ZFAND3: variants seen among roughly 807,000 people sequenced by gnomAD.
ZFAND3 encodes the protein zinc finger AN1-type containing 3.
A neutral mutation model predicts 29.6 loss-of-function variants in ZFAND3; 10 were observed. The ratio of observed to expected loss-of-function variants is 0.34; its 90% confidence interval spans 0.21 to 0.57. ZFAND3 has a LOEUF of 0.57. Among genes scored for constraint, ZFAND3 ranks in the 20% least tolerant of loss-of-function variants. ZFAND3 has a pLI of 0.86. For missense variants in ZFAND3, 230 were observed against 304.5 expected, an observed-to-expected ratio of 0.76 and a Z score of 1.82; for synonymous variants, 128 against 112.6, an observed-to-expected ratio of 1.14 and a Z score of -0.87.
Position 38,153,131 on chromosome 6 carries a change from T to C in ZFAND3, c.*742T>C, listed in dbSNP as rs1235882022. The C allele has an allele frequency of 2.0e-6, 2 of 985,310 alleles. No homozygotes were observed. Among genetic ancestry groups the C allele is most frequent in the Non-Finnish European group, 2.4e-6 (2 of 829,952 alleles). The allele number at this position is 985,310 out of a possible 1,614,324, so 61.0% of individuals were successfully genotyped here. ...CCAAGGTCACGAGAAGCAGCCAGAG[T>C]GCCCCGCCTCCGCCGGCTCTGGTCT... On this transcript the variant is annotated 3_prime_UTR_variant, in exon 6 of 6. Transcript: ENST00000287218.
intron 1 of ZFAND3, among the ~76,000 whole-genome samples, chr6:37,900,943 T>C (rs1019019527): frequency 6.6e-6 from 1 of 152,106 alleles, no homozygotes; most frequent in Non-Finnish European, 1.5e-5. Flanking sequence ...GGTGGTTGCT[T>C]TTAATAGAGG....
chr6:37,984,939 T>C (rs916050741), intron 2 of ZFAND3, among the ~76,000 whole-genome samples: 1 of 152,232 alleles, frequency 6.6e-6, no homozygotes, highest in Admixed American at 6.5e-5. Flanking sequence ...TTATACTTTT[T>C]TCAGCAGTCT....
chr6:38,011,142 T>C (rs766586985), intron 2 of ZFAND3, among the ~76,000 whole-genome samples: 3 of 152,152 alleles, frequency 2.0e-5, no homozygotes, highest in African/African-American at 4.8e-5. Context: ...CATGTTGTTT[T>C]CATGTAGTTT....
At position 38,030,051 on chromosome 6, in the gene ZFAND3, GATATATATATATATATATATAT is replaced by G. The variant is rs58560520; in HGVS notation, c.113-31512_113-31491del. ...CATTTCTTGTTATGTAGTTCTGCTG[GATATATATATATATATATATAT>G]ATATATATATATATATATATATATA... On this transcript the variant is annotated intron_variant, in intron 2 of 5. Transcript: ENST00000287218. 4.3e-3 allele frequency among the ~76,000 whole-genome samples: 405 copies of G among 94,980 alleles called. 10 individuals carry two copies. Among genetic ancestry groups the G allele is most frequent in the East Asian group, 0.043 (88 of 2,066 alleles). The allele number at this position is 94,980 out of a possible 152,430, so 62.3% of individuals were successfully genotyped here. A position where few individuals can be genotyped will look rare whatever the true frequency, so the allele number is the denominator to read the frequency against.
intron 1 of ZFAND3, among the ~76,000 whole-genome samples, chr6:37,919,235 A>G (rs1761327197): frequency 1.3e-5 from 2 of 152,146 alleles, no homozygotes; most frequent in African/African-American, 4.8e-5. Flanking sequence ...GGCGTGAGCC[A>G]CCGCGCCGGG....
At chr6:37,936,670 G>T (rs1288402574) in intron 2 of ZFAND3, among the ~76,000 whole-genome samples, 1 of 152,122 alleles carries the variant, frequency 6.6e-6, no homozygotes, top group Non-Finnish European at 1.5e-5. Context: ...ATTTAATTGT[G>T]GTAGTCTCAG....
chr6:37,943,648 A>G (rs758135264), intron 2 of ZFAND3, among the ~76,000 whole-genome samples: 7 of 152,188 alleles, frequency 4.6e-5, no homozygotes, highest in Non-Finnish European at 1.0e-4. Context: ...AGTGTGCATC[A>G]TAAGTATTTG....
intron 1 of ZFAND3, among the ~76,000 whole-genome samples, chr6:37,877,064 G>A (rs951955247): frequency 6.6e-6 from 1 of 152,172 alleles, no homozygotes; most frequent in South Asian, 2.1e-4. Context: ...ATGAAAGGAG[G>A]GCTGGAGGGT....
At chr6:38,043,088 T>C (rs1554169278) in intron 2 of ZFAND3, among the ~76,000 whole-genome samples, 1 of 152,196 alleles carries the variant, frequency 6.6e-6, no homozygotes, top group Non-Finnish European at 1.5e-5. Context: ...TAAGTGTGCA[T>C]AATAAATATA....
chr6:38,100,896 T>C (rs1765079956), intron 4 of ZFAND3, among the ~76,000 whole-genome samples: 1 of 152,230 alleles, frequency 6.6e-6, no homozygotes, highest in Non-Finnish European at 1.5e-5. Context: ...ATGTGTATTA[T>C]ATCCATATCC....
chr6:38,102,034 A>T (rs565346506), intron 4 of ZFAND3, among the ~76,000 whole-genome samples: 56 of 152,282 alleles, frequency 3.7e-4, no homozygotes, highest in Non-Finnish European at 7.1e-4. Context: ...TCACTGCTAG[A>T]TTACCATCAT....
At chr6:38,103,376 TATATATATACACACACAC>T (rs934021681) in intron 4 of ZFAND3, among the ~76,000 whole-genome samples, 12 of 146,512 alleles carry the variant, frequency 8.2e-5, no homozygotes, top group Admixed American at 2.7e-4. Context: ...ATACACACAA[TATATATATACACACACAC>T]ATATATATAC....
intron 1 of ZFAND3, chr6:37,915,479 A>G (rs1223262855): frequency 6.6e-6 from 1 of 152,210 alleles, no homozygotes; most frequent in Non-Finnish European, 1.5e-5. Flanking sequence ...AGTAAGAGAC[A>G]TGTGACTCTT....
At chr6:38,031,201 C>T (rs950858583) in intron 2 of ZFAND3, among the ~76,000 whole-genome samples, 1 of 151,810 alleles carries the variant, frequency 6.6e-6, no homozygotes, top group Non-Finnish European at 1.5e-5. Flanking sequence ...GTTTGTTTGC[C>T]TCTGTATTTG....
chr6:37,919,109 A>T (rs1293762956), intron 1 of ZFAND3, among the ~76,000 whole-genome samples: 1 of 151,836 alleles, frequency 6.6e-6, no homozygotes, highest in Admixed American at 6.6e-5. Context: ...ATGCGCTACC[A>T]CGCCCAGCTA....
chr6:37,971,586 C>G (rs535918692), intron 2 of ZFAND3, among the ~76,000 whole-genome samples: 1 of 152,080 alleles, frequency 6.6e-6, no homozygotes, highest in Non-Finnish European at 1.5e-5. Flanking sequence ...AAAAGCAATG[C>G]TTGCTTTCCA....
At chr6:38,151,110 A>G (rs2127499320) in intron 5 of ZFAND3, among the ~76,000 whole-genome samples, 1 of 152,178 alleles carries the variant, frequency 6.6e-6, no homozygotes, top group South Asian at 2.1e-4. Flanking sequence ...CGGCCGCTCT[A>G]GAGATTGCCT....
At chr6:38,084,323 A>G (rs1581903554) in intron 4 of ZFAND3, among the ~76,000 whole-genome samples, 1 of 152,238 alleles carries the variant, frequency 6.6e-6, no homozygotes, top group South Asian at 2.1e-4. Context: ...GCCACTTACC[A>G]GTTGTGATTT....
At chr6:38,020,532 G>A (rs1318409053) in intron 2 of ZFAND3, among the ~76,000 whole-genome samples, 1 of 152,128 alleles carries the variant, frequency 6.6e-6, no homozygotes, top group African/African-American at 2.4e-5. Flanking sequence ...TTTCCAAAGA[G>A]GAGACAACTG....
Sources: allele counts gnomAD v4.1 joint callset (sites outside exome capture counted in the v4.1 genomes callset), GRCh38; gene constraint gnomAD v4.1.1; transcripts MANE v1.5; gene names NCBI Gene and HGNC (gene_info 2026-07-23, HGNC 2026-07-21).